The following SMARCA4 variants were observed in gnomAD, a reference collection of about 807,000 sequenced individuals.
SMARCA4 encodes SWI/SNF-related matrix-associated actin-dependent regulator of chromatin subfamily A member 4.
Under a neutral mutation model 193.9 loss-of-function variants are expected in SMARCA4, and 31 were observed. The ratio of observed to expected loss-of-function variants is 0.16; its 90% CI spans 0.12 to 0.22. SMARCA4 has a LOEUF of 0.22. SMARCA4 is among the 10% of genes least tolerant of loss of function. The probability of loss-of-function intolerance (pLI) is 1.00; values close to 1 mark genes in which losing one functional copy is unlikely to be tolerated. For missense variants in SMARCA4, 1,148 were observed against 2,296.0 expected (o/e 0.50, Z 10.22); for synonymous variants, 942 against 933.1 (o/e 1.01, Z -0.17).
chr19:10,986,193 C>T lies in SMARCA4; in HGVS notation c.360C>T (p.Tyr120=), dbSNP rs1555752854. 1 of 1,613,600 alleles carries T rather than the reference C, an allele frequency of 6.2e-7. No homozygotes were observed. Among genetic ancestry groups the T allele is most frequent in the South Asian group, 1.1e-5 (1 of 91,080 alleles). ...PSPMDQHSQG[Y]PSPLGGSEHA... is the part of the protein sequence containing the mutation. ...TGGGCTGACCTTTCTCTGCAGGTTA[C>T]CCCTCGCCCCTGGGTGGCTCTGAGC... Residue 120 remains tyrosine, a synonymous_variant, in exon 4 of 35, where the codon TAC becomes TAT. Transcript: ENST00000344626. The surrounding 1 kb of genome is among the most constrained non-coding windows in gnomAD (Gnocchi z 6.7).
At position 11,031,276 on chromosome 19, in the gene SMARCA4, G is replaced by T; in HGVS notation, c.3546+383G>T. Reference sequence around the variant, plus strand: ...ACTGGCGCTTGTTCAGACACAATTGGGGGTAAACTCCATGCCACTTCGTTT... The same window carrying T: ...ACTGGCGCTTGTTCAGACACAATTGTGGGTAAACTCCATGCCACTTCGTTT... On this transcript the variant is annotated intron_variant, in intron 25 of 34. Coordinates refer to ENST00000344626, the MANE Select transcript of SMARCA4 (RefSeq NM_003072.5). This position sits in a 1 kb window ranked among gnomAD's most constrained non-coding sequence, Gnocchi z 4.3. 3.1e-6 allele frequency: 1 copy of T among 318,228 alleles called. No homozygotes were observed. The highest frequency in any genetic ancestry group is 6.1e-6 in the Non-Finnish European group (1 of 163,418). The allele number at this position is 318,228 out of a possible 1,614,324, so 19.7% of individuals were successfully genotyped here.
intron 30 of SMARCA4, among the ~76,000 whole-genome samples, chr19:11,043,850 C>T (rs1236200201): frequency 3.3e-5 from 5 of 152,074 alleles, no homozygotes; most frequent in Non-Finnish European, 7.4e-5. Flanking sequence ...CATGGTGATG[C>T]GTGCTTGAGC....
At chr19:11,007,429 CAAAAAAAA>C (rs1188457080) in intron 13 of SMARCA4, among the ~76,000 whole-genome samples, 1 of 56,164 alleles carries the variant, frequency 1.8e-5, no homozygotes, top group African/African-American at 6.1e-5. Context: ...CACTTCGTCT[CAAAAAAAA>C]AAAAAAAAAA....
chr19:11,011,091 A>G (rs777859379), intron 15 of SMARCA4: 4 of 203,038 alleles, frequency 2.0e-5, no homozygotes, highest in Non-Finnish European at 4.1e-5. Flanking sequence ...CTGACTTGGG[A>G]CAGTCACGAA....
At chr19:11,022,405 C>T (rs894344692) in intron 19 of SMARCA4, among the ~76,000 whole-genome samples, 24 of 152,272 alleles carry the variant, frequency 1.6e-4, no homozygotes, top group Admixed American at 1.2e-3. Flanking sequence ...TTCTGTCTTA[C>T]GTTGTTTTCA....
intron 1 of SMARCA4, among the ~76,000 whole-genome samples, chr19:10,966,453 A>G (rs986700474): frequency 6.6e-6 from 1 of 151,800 alleles, no homozygotes; most frequent in South Asian, 2.1e-4. Flanking sequence ...TTAGCCAAGC[A>G]TGGTGTTGCA....
At chr19:10,977,249 G>A (rs1227737551) in intron 1 of SMARCA4, among the ~76,000 whole-genome samples, 1 of 152,178 alleles carries the variant, frequency 6.6e-6, no homozygotes, top group African/African-American at 2.4e-5. Flanking sequence ...TTGTTCCTGA[G>A]CATTGCGGGG....
At chr19:11,000,314 A>G (rs1445002359) in intron 11 of SMARCA4, among the ~76,000 whole-genome samples, 2 of 151,636 alleles carry the variant, frequency 1.3e-5, no homozygotes, top group African/African-American at 4.9e-5. Flanking sequence ...AGGTGGGTGG[A>G]TCGCTTGAGC....
At position 11,033,113 on chromosome 19, in the gene SMARCA4, C is replaced by G; in HGVS notation, c.3547-177C>G. On this transcript the variant is annotated intron_variant, in intron 25 of 34. Coordinates refer to ENST00000344626, the MANE Select transcript of SMARCA4 (RefSeq NM_003072.5). The surrounding 1 kb of genome is among the most constrained non-coding windows in gnomAD (Gnocchi z 9.8). Reference sequence around the variant, plus strand: ...ATGAGAGTCCCCTTCCCCCGAGGGACACATGGCGGCCCAGGCTCCACCAGC... The same window carrying G: ...ATGAGAGTCCCCTTCCCCCGAGGGAGACATGGCGGCCCAGGCTCCACCAGC... 2 of 677,872 alleles carry G rather than the reference C, an allele frequency of 3.0e-6. No homozygotes were observed. The highest frequency in any genetic ancestry group is 5.4e-6 in the Non-Finnish European group (2 of 369,904). The allele number at this position is 677,872 out of a possible 1,614,324, so 42.0% of individuals were successfully genotyped here. A position where few individuals can be genotyped will look rare whatever the true frequency, so the allele number is the denominator to read the frequency against.
intron 34 of SMARCA4, chr19:11,060,455 C>T (rs1300879028): frequency 3.6e-6 from 2 of 559,906 alleles, no homozygotes; most frequent in African/African-American, 1.9e-5. Flanking sequence ...TCAGGACAGG[C>T]AGCAGGCGGT....
intron 1 of SMARCA4, among the ~76,000 whole-genome samples, chr19:10,982,240 C>T (rs1401527814): frequency 2.0e-5 from 3 of 151,922 alleles, no homozygotes; most frequent in African/African-American, 4.8e-5. Flanking sequence ...TTTGGGAGGT[C>T]GAGGCGGTTG....
intron 9 of SMARCA4, 21 bp downstream of exon 9, chr19:10,995,022 C>A: frequency 2.5e-6 from 4 of 1,593,562 alleles, no homozygotes; most frequent in Non-Finnish European, 3.4e-6. Context: ...GCCTTCTTGA[C>A]GTGCGCTCTT....
At chr19:10,967,684 G>C (rs2084333643) in intron 1 of SMARCA4, among the ~76,000 whole-genome samples, 1 of 129,500 alleles carries the variant, frequency 7.7e-6, no homozygotes, top group Non-Finnish European at 1.7e-5. Flanking sequence ...TCAAATGTGT[G>C]GTTTTTTTTT....
chr19:10,986,659 G>A lies in SMARCA4; in HGVS notation c.760+66G>A, dbSNP rs2086072287. 1 of 1,532,780 alleles carries A rather than the reference G, an allele frequency of 6.5e-7. No homozygotes were observed. Among genetic ancestry groups the A allele is most frequent in the Non-Finnish European group, 8.7e-7 (1 of 1,145,810 alleles). 94.9% of individuals were successfully genotyped at this position (1,532,780 alleles called of 1,614,324 possible). On this transcript the variant is annotated intron_variant, in intron 4 of 34. Coordinates refer to ENST00000344626, the MANE Select transcript of SMARCA4 (RefSeq NM_003072.5). This position sits in a 1 kb window ranked among gnomAD's most constrained non-coding sequence, Gnocchi z 6.7. ...ATGGCTGGGGCGTGGGTGGCGGGGT[G>A]GACAGACCGTGCTCTGTTGCCGACT... is the stretch of plus-strand genomic sequence containing the variant.
intron 13 of SMARCA4, among the ~76,000 whole-genome samples, chr19:11,006,020 T>C (rs2088168225): frequency 6.6e-6 from 1 of 152,240 alleles, no homozygotes; most frequent in Admixed American, 6.5e-5. Context: ...AAAATGTCGG[T>C]GTTATTACCA....
intron 1 of SMARCA4, among the ~76,000 whole-genome samples, chr19:10,981,031 C>T (rs1007791708): frequency 3.3e-5 from 5 of 152,164 alleles, no homozygotes; most frequent in Non-Finnish European, 7.4e-5. Flanking sequence ...GGATTACAGG[C>T]GTGCTGGATT....
chr19:10,968,294 G>GT (rs972996799), intron 1 of SMARCA4, among the ~76,000 whole-genome samples: 3 of 152,222 alleles, frequency 2.0e-5, no homozygotes, highest in African/African-American at 7.2e-5. Context: ...GGCCTCAAAT[G>GT]TTTTTTTAAG....
At position 11,034,859 on chromosome 19, in the gene SMARCA4, C is replaced by A. The variant is rs558767544; in HGVS notation, c.3952-55C>A. 1 of 1,165,046 alleles carries A rather than the reference C, an allele frequency of 8.6e-7. No individual in the cohort carries two copies. Among genetic ancestry groups the A allele is most frequent in the Non-Finnish European group, 1.2e-6 (1 of 803,838 alleles). The allele number at this position is 1,165,046 out of a possible 1,614,324, so 72.2% of individuals were successfully genotyped here. Reference sequence around the variant, plus strand: ...TGAACTCTCGGTGTTCTGGCTCTAGCGTGCCCCTGGTGCCTGCATGCTGAT... The same window carrying A: ...TGAACTCTCGGTGTTCTGGCTCTAGAGTGCCCCTGGTGCCTGCATGCTGAT... On this transcript the variant is annotated intron_variant, in intron 28 of 34. Coordinates refer to ENST00000344626, the MANE Select transcript of SMARCA4 (RefSeq NM_003072.5). The surrounding 1 kb of genome is among the most constrained non-coding windows in gnomAD (Gnocchi z 7.0).
chr19:11,031,254 G>A lies in SMARCA4; in HGVS notation c.3546+361G>A. On this transcript the variant is annotated intron_variant, in intron 25 of 34. Transcript: ENST00000344626. This position sits in a 1 kb window ranked among gnomAD's most constrained non-coding sequence, Gnocchi z 4.3. ...AGTGTGCCCTGTGAGCACACACACT[G>A]GCGCTTGTTCAGACACAATTGGGGG... 2.8e-6 allele frequency: 1 copy of A among 352,270 alleles called. No individual in the cohort carries two copies. The highest frequency in any genetic ancestry group is 6.7e-5 in the East Asian group (1 of 14,950). The allele number at this position is 352,270 out of a possible 1,614,324, so 21.8% of individuals were successfully genotyped here.
Sources: gnomAD v4.1 joint callset for allele counts (sites outside exome capture counted in the v4.1 genomes callset) on GRCh38, gnomAD v4.1.1 for gene constraint, Gnocchi (gnomAD v3.1) non-coding constraint, MANE v1.5 for transcripts, NCBI Gene and HGNC (gene_info 2026-07-23, HGNC 2026-07-21) for gene names.